ADCY8: variants seen among roughly 807,000 people sequenced by gnomAD.
The protein encoded by ADCY8 is adenylate cyclase type 8.
Under a neutral mutation model 119.7 loss-of-function variants are expected in ADCY8, and 51 were observed. The ratio of observed to expected loss-of-function variants is 0.43; its 90% CI spans 0.34 to 0.54. The LOEUF is 0.54. Ranked by LOEUF, ADCY8 falls within the 20% of genes least tolerant of loss-of-function variation. ADCY8 has a pLI of 0.03. For missense variants in ADCY8, 1,383 were observed against 1,598.8 expected, an observed-to-expected ratio of 0.87 and a Z score of 2.30; for synonymous variants, 665 against 651.0, an observed-to-expected ratio of 1.02 and a Z score of -0.33.
intron 4 of ADCY8, among the ~76,000 whole-genome samples, chr8:130,941,444 G>A (rs938339497): frequency 1.3e-5 from 2 of 152,088 alleles, no homozygotes; most frequent in Admixed American, 6.5e-5. Context: ...ATCTGCCAAT[G>A]GCCTTTGGAT....
chr8:130,796,741 C>A (rs747891261), intron 15 of ADCY8, among the ~76,000 whole-genome samples: 1 of 151,316 alleles, frequency 6.6e-6, no homozygotes, highest in Non-Finnish European at 1.5e-5. Flanking sequence ...ACCTTCCCCC[C>A]GCCTCACCCT....
chr8:131,019,843 GTCTCTCTC>G (rs71306306), intron 1 of ADCY8, among the ~76,000 whole-genome samples: 125 of 86,948 alleles, frequency 1.4e-3, no homozygotes, highest in African/African-American at 4.3e-3. Flanking sequence ...CTCTCTGTCT[GTCTCTCTC>G]TCTCTCTCTC....
chr8:130,920,226 C>T (rs940190246), intron 5 of ADCY8, among the ~76,000 whole-genome samples: 1 of 150,758 alleles, frequency 6.6e-6, no homozygotes, highest in Admixed American at 6.6e-5. Flanking sequence ...CTAAGCATTT[C>T]CTATTATATC....
intron 9 of ADCY8, among the ~76,000 whole-genome samples, chr8:130,865,711 G>C (rs1818094023): frequency 6.6e-6 from 1 of 152,104 alleles, no homozygotes; most frequent in Admixed American, 6.6e-5. Flanking sequence ...CTCTTTGGTT[G>C]CTTTCATGCA....
At chr8:130,976,285 A>G (rs879439111) in intron 2 of ADCY8, among the ~76,000 whole-genome samples, 6 of 152,158 alleles carry the variant, frequency 3.9e-5, no homozygotes, top group Non-Finnish European at 5.9e-5. Context: ...CTTGCGAGTG[A>G]AGGCCTTTGA....
intron 14 of ADCY8, 69 bp from the exon 15 acceptor site, chr8:130,800,641 T>G (rs1815747341): frequency 1.1e-5 from 17 of 1,550,380 alleles, no homozygotes; most frequent in Non-Finnish European, 1.5e-5. Context: ...ATGCTTCCTG[T>G]GCACACATGT....
Position 130,927,403 on chromosome 8 carries a change from G to A in ADCY8, c.1481+9670C>T, listed in dbSNP as rs191756833. Among the ~76,000 whole-genome samples, 234 of 152,234 alleles carry A rather than the reference G, an allele frequency of 1.5e-3. 1 individual carries two copies. Among genetic ancestry groups the A allele is most frequent in the Non-Finnish European group, 1.4e-3 (92 of 68,010 alleles). ...GCTTGTATACCTTCTTTTGAGAAATGTATATTCAGGTCCTTTGCCCATTTT... is the reference window on the plus strand; with the variant it reads ...GCTTGTATACCTTCTTTTGAGAAATATATATTCAGGTCCTTTGCCCATTTT... On this transcript the variant is annotated intron_variant, in intron 5 of 17. Coordinates refer to ENST00000286355, the MANE Select transcript of ADCY8 (RefSeq NM_001115.3).
chr8:130,911,605 TTTTAA>T (rs61564457), intron 5 of ADCY8, among the ~76,000 whole-genome samples: 87,967 of 150,904 alleles, frequency 0.58, 27,188 homozygotes, highest in East Asian at 0.68. Flanking sequence ...TAATTTAAAA[TTTTAA>T]ATTTTAAATT....
At chr8:130,791,953 A>G (rs1360438389) in intron 15 of ADCY8, among the ~76,000 whole-genome samples, 1 of 151,878 alleles carries the variant, frequency 6.6e-6, no homozygotes, top group Non-Finnish European at 1.5e-5. Flanking sequence ...TTTCCTTTCT[A>G]CTTGTCTCCT....
chr8:130,793,436 C>T (rs980371601), intron 15 of ADCY8, among the ~76,000 whole-genome samples: 1 of 152,212 alleles, frequency 6.6e-6, no homozygotes, highest in African/African-American at 2.4e-5. Context: ...CCTGCATTAT[C>T]TTCCCCCACC....
intron 8 of ADCY8, among the ~76,000 whole-genome samples, chr8:130,871,522 C>T (rs573368798): frequency 9.2e-5 from 14 of 152,304 alleles, no homozygotes; most frequent in Admixed American, 7.2e-4. Flanking sequence ...ATGCTTAGAA[C>T]AGTGCCTTCC....
At chr8:130,996,681 ATGC>A (rs1364558924) in intron 1 of ADCY8, among the ~76,000 whole-genome samples, 1 of 152,148 alleles carries the variant, frequency 6.6e-6, no homozygotes, top group Admixed American at 6.5e-5. Context: ...GCAAAAATAA[ATGC>A]CAATGGATTA....
chr8:131,037,916 T>C (rs1423670390), intron 1 of ADCY8, among the ~76,000 whole-genome samples: 6 of 152,186 alleles, frequency 3.9e-5, no homozygotes, highest in African/African-American at 1.2e-4. Flanking sequence ...CTCATTATTG[T>C]CTTTAATAAG....
At chr8:130,990,568 C>T (rs11991124) in intron 1 of ADCY8, 26 bp from the exon 2 acceptor site, 300,996 of 1,596,396 alleles carry the variant, frequency 0.19, 37,691 homozygotes, top group African/African-American at 0.64. Flanking sequence ...TCTGGTCAGG[C>T]GCTTAAAACA....
intron 5 of ADCY8, among the ~76,000 whole-genome samples, 165 bp downstream of exon 5, chr8:130,936,908 G>A (rs1820804139): frequency 6.6e-6 from 1 of 152,128 alleles, no homozygotes; most frequent in East Asian, 1.9e-4. Flanking sequence ...ATGCTAACAG[G>A]TTCATTGGTT....
At chr8:130,916,599 C>T (rs1288871760) in intron 5 of ADCY8, among the ~76,000 whole-genome samples, 6 of 152,146 alleles carry the variant, frequency 3.9e-5, no homozygotes, top group South Asian at 2.1e-4. Flanking sequence ...ATGGCCATAA[C>T]GCACAAGCTG....
intron 14 of ADCY8, among the ~76,000 whole-genome samples, chr8:130,813,210 G>C (rs111530839): frequency 0.033 from 4,997 of 152,236 alleles, 273 homozygotes; most frequent in African/African-American, 0.11. Flanking sequence ...GCCTCCCAAA[G>C]TGCTGAGATT....
chr8:130,796,479 G>T (rs1815581708), intron 15 of ADCY8, among the ~76,000 whole-genome samples: 1 of 152,104 alleles, frequency 6.6e-6, no homozygotes, highest in South Asian at 2.1e-4. Context: ...AAAGAATTTT[G>T]CATGATCTCA....
At chr8:130,954,920 G>A (rs1415264976) in intron 2 of ADCY8, among the ~76,000 whole-genome samples, 1 of 152,214 alleles carries the variant, frequency 6.6e-6, no homozygotes, top group African/African-American at 2.4e-5. Flanking sequence ...CTCCGAGGAG[G>A]AAAGAACCAT....
Sources: allele counts gnomAD v4.1 joint callset (sites outside exome capture counted in the v4.1 genomes callset), GRCh38; gene constraint gnomAD v4.1.1; transcripts MANE v1.5; gene names NCBI Gene and HGNC (gene_info 2026-07-23, HGNC 2026-07-21).